Variants in DDX11 observed in about 807,000 individuals in gnomAD.
DDX11 encodes ATP-dependent DNA helicase DDX11.
A neutral mutation model predicts 125.2 loss-of-function variants in DDX11; 72 were observed. That is an observed-to-expected ratio of 0.58 (90% confidence interval 0.48 to 0.70). The LOEUF is 0.70. Among genes scored for constraint, DDX11 ranks in the 30% least tolerant of loss-of-function variants. The probability of loss-of-function intolerance (pLI) is 0.00; values close to 1 mark genes in which losing one functional copy is unlikely to be tolerated. For synonymous variants in DDX11, 347 were observed against 452.6 expected (o/e 0.77, Z 2.96); for missense variants, 883 against 1,165.0 (o/e 0.76, Z 3.52).
intron 1 of DDX11, among the ~76,000 whole-genome samples, chr12:31,076,426 C>G (rs1178443134): frequency 6.6e-6 from 1 of 151,902 alleles, no homozygotes; most frequent in African/African-American, 2.4e-5. Context: ...AGTTTCAATT[C>G]TTACTCTCAG....
chr12:31,095,624 C>T (rs1017433502), intron 14 of DDX11, among the ~76,000 whole-genome samples: 4 of 152,176 alleles, frequency 2.6e-5, no homozygotes, highest in African/African-American at 9.7e-5. Flanking sequence ...CCAGGTCATC[C>T]TTGATGCCTT....
chr12:31,078,189 C>A, intron 1 of DDX11: 2 of 1,514,088 alleles, frequency 1.3e-6, no homozygotes, highest in African/African-American at 1.4e-5. Context: ...CGTTAAATGC[C>A]GCTAGATGGA....
chr12:31,094,296 T>G (rs1214479007), intron 12 of DDX11: 2 of 407,822 alleles, frequency 4.9e-6, no homozygotes, highest in Admixed American at 3.6e-5. Flanking sequence ...TCCGGTGCCC[T>G]GCATACCTTG....
At chr12:31,089,797 T>C (rs766732461) in intron 8 of DDX11, 89 bp from the exon 9 acceptor site, 20 of 1,552,986 alleles carry the variant, frequency 1.3e-5, no homozygotes, top group Non-Finnish European at 1.7e-5. Context: ...CCCATGGAAG[T>C]GGGTCTCAAC....
At chr12:31,088,120 G>A (rs965656483) in intron 6 of DDX11, 137 bp downstream of exon 6, 41 of 1,362,080 alleles carry the variant, frequency 3.0e-5, no homozygotes, top group South Asian at 1.0e-4. Flanking sequence ...CTTGGACTCC[G>A]TTGCTTCTTG....
chr12:31,089,144 C>T lies in DDX11; in HGVS notation c.785C>T (p.Ser262Phe), dbSNP rs750482736. 2 of 1,613,718 alleles carry T rather than the reference C, an allele frequency of 1.2e-6. No individual in the cohort carries two copies. Among genetic ancestry groups the T allele is most frequent in the Admixed American group, 1.7e-5 (1 of 60,014 alleles). Residue 262 changes from serine to phenylalanine, a missense_variant, in exon 7 of 27, where the codon TCC becomes TTC. Physicochemically the swap from Ser to Phe is radical, Grantham distance 155 (BLOSUM62 -2). Transcript: ENST00000542838. ...GKDVRLVSLGSRQNLCVNEDV... is the reference protein window; with the variant it reads ...GKDVRLVSLGFRQNLCVNEDV... ...GATGTTCGGCTGGTCTCCCTTGGCT[C>T]CCGGCAGGTAAACAGTAGCCAGTAT... is the stretch of plus-strand genomic sequence containing the variant.
chr12:31,094,989 A>C (rs1241218331), intron 14 of DDX11, among the ~76,000 whole-genome samples, 167 bp downstream of exon 14: 1 of 152,210 alleles, frequency 6.6e-6, no homozygotes, highest in Non-Finnish European at 1.5e-5. Context: ...CTTCTTTTAG[A>C]GTGAAGGCCA....
rs1159046697 is a variant in DDX11 at position 31,085,248 on chromosome 12, C to G, written c.638+122C>G. 14 of 1,339,712 alleles carry G rather than the reference C, an allele frequency of 1.0e-5. No homozygotes were observed. In the Admixed American group the frequency reaches 2.2e-4, roughly 21 times the overall value. The allele number at this position is 1,339,712 out of a possible 1,614,324, so 83.0% of individuals were successfully genotyped here. A position where few individuals can be genotyped will look rare whatever the true frequency, so the allele number is the denominator to read the frequency against. On this transcript the variant is annotated intron_variant, in intron 5 of 26. Coordinates refer to ENST00000542838, the MANE Select transcript of DDX11 (RefSeq NM_030653.4). ...CAAGAGGCATGGTGGCCTCTGCCCT[C>G]TGCTCTAAGCCGGGTCCTTCCTAGG...
At chr12:31,092,730 C>T in intron 10 of DDX11, 116 bp from the exon 11 acceptor site, 1 of 1,094,828 alleles carries the variant, frequency 9.1e-7, no homozygotes, top group Non-Finnish European at 1.4e-6. Context: ...AGCCCCCTCT[C>T]CTCCCTTTGG....
intron 23 of DDX11, 119 bp downstream of exon 23, chr12:31,102,646 T>G (rs1191308117): frequency 1.1e-6 from 1 of 923,224 alleles, no homozygotes; most frequent in African/African-American, 1.6e-5. Context: ...CTGCGACTGC[T>G]CAGACCAGCC....
intron 13 of DDX11, 43 bp from the exon 14 acceptor site, chr12:31,094,712 C>T: frequency 1.3e-6 from 2 of 1,590,212 alleles, no homozygotes; most frequent in Non-Finnish European, 1.7e-6. Context: ...AAACCTGAGG[C>T]TTAGGGTGAA....
chr12:31,077,570 G>A (rs1197995909), intron 1 of DDX11, among the ~76,000 whole-genome samples: 5 of 151,722 alleles, frequency 3.3e-5, no homozygotes, highest in African/African-American at 4.8e-5. Context: ...CGTGTAGGCC[G>A]GGTGCGGTGG....
rs570799046 is a variant in DDX11, at chr12:31,094,965, G to A, written c.1482+143G>A. The A allele has an allele frequency of 1.4e-4, 122 of 899,876 alleles. No homozygotes were observed. In the African/African-American group the frequency reaches 1.8e-3, roughly 14 times the overall value. The allele number at this position is 899,876 out of a possible 1,614,324, so 55.7% of individuals were successfully genotyped here. ...TTAACCCTTAACGCAACATGCCTGT[G>A]AGACAAAAGTCATCTTCTTTTAGAG... is the stretch of plus-strand genomic sequence containing the variant. On this transcript the variant is annotated intron_variant, in intron 14 of 26. Transcript: ENST00000542838.
chr12:31,086,003 G>A (rs1399942406), intron 5 of DDX11: 9 of 452,730 alleles, frequency 2.0e-5, no homozygotes, highest in Admixed American at 4.7e-5. Context: ...GTTCATCCCC[G>A]GCCTTCACAG....
Position 31,102,963 on chromosome 12 carries a change from C to T in DDX11, c.2400C>T (p.Phe800=). 2 of 1,613,970 alleles carry T rather than the reference C, an allele frequency of 1.2e-6. No individual in the cohort carries two copies. The highest frequency in any genetic ancestry group is 1.7e-6 in the Non-Finnish European group (2 of 1,179,846). Residue 800 remains phenylalanine (F), a synonymous_variant, in exon 24 of 27, where the codon TTC becomes TTT. Coordinates refer to ENST00000542838, the MANE Select transcript of DDX11 (RefSeq NM_030653.4). ...GRCVVMVGMP[F]PNIRSAELQE... ...GTGTGGTGATGGTGGGCATGCCCTTCCCCAACATCAGGTCTGCAGAGCTGC... is the reference window on the plus strand; with the variant it reads ...GTGTGGTGATGGTGGGCATGCCCTTTCCCAACATCAGGTCTGCAGAGCTGC...
At chr12:31,097,812 G>A in intron 17 of DDX11, 73 bp from the exon 18 acceptor site, 1 of 885,548 alleles carries the variant, frequency 1.1e-6, no homozygotes, top group East Asian at 2.7e-5. Context: ...ACTCACCTGG[G>A]GGACCCCCTT....
rs1050672095 is a variant in DDX11 at position 31,087,941 on chromosome 12, G to A, written c.642G>A (p.Val214=). Reference sequence around the variant, plus strand: ...CTGTTCTCTCTCACACACACAGAGTGGATGAGGATGAGGATGACCTGGAGG... The same window carrying A: ...CTGTTCTCTCTCACACACACAGAGTAGATGAGGATGAGGATGACCTGGAGG... ...SDEEKKVASR[V]DEDEDDLEEE... is the part of the protein sequence containing the mutation. Residue 214 remains valine, a synonymous_variant, in exon 6 of 27, where the codon GTG becomes GTA. Transcript: ENST00000542838. 4 of 1,607,610 alleles carry A rather than the reference G, an allele frequency of 2.5e-6. No individual in the cohort carries two copies. Among genetic ancestry groups the A allele is most frequent in the Non-Finnish European group, 3.4e-6 (4 of 1,177,330 alleles).
Position 31,101,088 on chromosome 12 carries a change from G to A in DDX11, c.2010G>A (p.Gln670=). 1 of 1,614,184 alleles carries A rather than the reference G, an allele frequency of 6.2e-7. No homozygotes were observed. Among genetic ancestry groups the A allele is most frequent in the Non-Finnish European group, 8.5e-7 (1 of 1,180,042 alleles). Residue 670 remains glutamine (Q), a synonymous_variant, in exon 20 of 27, where the codon CAG becomes CAA. Transcript: ENST00000542838. ...PLVICSGISN[Q]PLEFTFQKRE... The stretch of plus-strand genomic sequence containing the variant: ...TCATCTGCAGCGGGATCTCCAACCA[G>A]CCGCTGGAATTCACGTTCCAGAAAA...
In DDX11 at chr12:31,087,659, G is replaced by A. The variant is rs1592662136; in HGVS notation, c.639-279G>A. 4 of 515,952 alleles carry A rather than the reference G, an allele frequency of 7.8e-6. No individual in the cohort carries two copies. In the Admixed American group the frequency reaches 8.1e-5, roughly 10 times the overall value. 32.0% of individuals were successfully genotyped at this position (515,952 alleles called of 1,614,324 possible). A position where few individuals can be genotyped will look rare whatever the true frequency, so the allele number is the denominator to read the frequency against. ...TGGAGGGAGGGCAGAGAGGAGAGCA[G>A]CCTGCCATGAGTCCCGAGGCTTCCG... On this transcript the variant is annotated intron_variant, in intron 5 of 26. Transcript: ENST00000542838.
Sources: gnomAD v4.1 joint callset for allele counts (sites outside exome capture counted in the v4.1 genomes callset) on GRCh38, gnomAD v4.1.1 for gene constraint, MANE v1.5 for transcripts, NCBI Gene and HGNC (gene_info 2026-07-23, HGNC 2026-07-21) for gene names.